TDRD3: variants seen among roughly 807,000 people sequenced by gnomAD.
The protein encoded by TDRD3 is tudor domain containing 3.
A neutral mutation model predicts 86.7 loss-of-function variants in TDRD3; 45 were observed. The observed-to-expected ratio is 0.52, with a 90% confidence interval of 0.41 to 0.67. TDRD3 has a LOEUF of 0.67. TDRD3 is among the 30% of genes least tolerant of loss of function. The pLI is 0.00. For missense variants in TDRD3, 814 were observed against 889.0 expected, an observed-to-expected ratio of 0.92 and a Z score of 1.07; for synonymous variants, 298 against 301.7, an observed-to-expected ratio of 0.99 and a Z score of 0.13.
chr13:60,549,425 A>G (rs890421820), intron 12 of TDRD3, among the ~76,000 whole-genome samples: 6 of 152,112 alleles, frequency 3.9e-5, no homozygotes, highest in Non-Finnish European at 7.4e-5. Context: ...AAAATGCCCT[A>G]TAAAGCTGGT....
intron 1 of TDRD3, among the ~76,000 whole-genome samples, chr13:60,408,581 T>C (rs1023557782): frequency 6.6e-6 from 1 of 152,160 alleles, no homozygotes; most frequent in African/African-American, 2.4e-5. Context: ...TCTTGTTATG[T>C]TTTAGCAAGG....
chr13:60,406,260 G>C (rs1243557868), intron 1 of TDRD3, among the ~76,000 whole-genome samples: 1 of 152,142 alleles, frequency 6.6e-6, no homozygotes, highest in Non-Finnish European at 1.5e-5. Flanking sequence ...CAGCTGTCCG[G>C]TATGGTGGAC....
At chr13:60,535,778 T>C (rs1297585591) in intron 12 of TDRD3, 3 of 152,234 alleles carry the variant, frequency 2.0e-5, no homozygotes, top group Admixed American at 6.5e-5. Flanking sequence ...CCAAATGTTA[T>C]GTCAAAGCTG....
At chr13:60,486,538 T>C (rs979349306) in intron 7 of TDRD3, among the ~76,000 whole-genome samples, 2 of 152,224 alleles carry the variant, frequency 1.3e-5, no homozygotes, top group Non-Finnish European at 2.9e-5. Flanking sequence ...GATATTTTGA[T>C]ACGTGTATAC....
intron 7 of TDRD3, among the ~76,000 whole-genome samples, chr13:60,487,345 G>A (rs914127204): frequency 3.9e-5 from 6 of 152,156 alleles, no homozygotes; most frequent in Middle Eastern, 6.8e-3. Flanking sequence ...GTATGCTGGT[G>A]CATGCCTGTA....
intron 12 of TDRD3, among the ~76,000 whole-genome samples, chr13:60,540,198 A>G (rs1291928429): frequency 6.6e-6 from 1 of 152,184 alleles, no homozygotes; most frequent in Non-Finnish European, 1.5e-5. Context: ...AGAGATCACC[A>G]TGTGAGCAGT....
chr13:60,526,165 A>C (rs1305016315), intron 10 of TDRD3, among the ~76,000 whole-genome samples: 2 of 152,202 alleles, frequency 1.3e-5, no homozygotes, highest in Non-Finnish European at 2.9e-5. Flanking sequence ...GGAATAATTT[A>C]AGAAAAATTC....
chr13:60,460,236 A>C, intron 3 of TDRD3, 144 bp from the exon 4 acceptor site: 1 of 693,140 alleles, frequency 1.4e-6, no homozygotes, highest in Admixed American at 4.3e-5. Flanking sequence ...GATAATATAT[A>C]ATTTCAGTTT....
chr13:60,411,784 C>G (rs1954375035), intron 1 of TDRD3, among the ~76,000 whole-genome samples: 1 of 152,076 alleles, frequency 6.6e-6, no homozygotes, highest in Non-Finnish European at 1.5e-5. Flanking sequence ...AGTGTAGAAT[C>G]TCAAACCTCA....
intron 8 of TDRD3, among the ~76,000 whole-genome samples, chr13:60,499,528 C>CATAA (rs1956788566): frequency 1.3e-5 from 2 of 152,202 alleles, no homozygotes; most frequent in Non-Finnish European, 2.9e-5. Flanking sequence ...TCAGAGAGAA[C>CATAA]TTGATCACTT....
At position 60,565,904 on chromosome 13, in the gene TDRD3, T is replaced by C. The variant is rs1278694303; in HGVS notation, c.2119-1621T>C. Among the ~76,000 whole-genome samples, 36 of 152,228 alleles carry C rather than the reference T, an allele frequency of 2.4e-4. 1 individual carries two copies. ...ATTTTCTTACTTTTAATTGCTTTGC[T>C]AAATTACAGATATAATATCTGATAC... On this transcript the variant is annotated intron_variant, in intron 12 of 13. Transcript: ENST00000377881.
chr13:60,476,418 AGTACTCATT>A (rs1162608023), intron 5 of TDRD3, among the ~76,000 whole-genome samples: 1 of 151,892 alleles, frequency 6.6e-6, no homozygotes, highest in Non-Finnish European at 1.5e-5. Flanking sequence ...TTTTGTACCC[AGTACTCATT>A]GTTATATTTT....
intron 1 of TDRD3, among the ~76,000 whole-genome samples, chr13:60,421,612 C>T (rs2137872933): frequency 6.6e-6 from 1 of 152,276 alleles, no homozygotes; most frequent in African/African-American, 2.4e-5. Flanking sequence ...AATCTTTCCC[C>T]CAAACTATAC....
chr13:60,444,748 G>T lies in TDRD3; in HGVS notation c.192G>T (p.Lys64Asn). 1 of 1,459,842 alleles carries T rather than the reference G, an allele frequency of 6.9e-7. No individual in the cohort carries two copies. Among genetic ancestry groups the T allele is most frequent in the Admixed American group, 2.3e-5 (1 of 43,900 alleles). 90.4% of individuals were successfully genotyped at this position (1,459,842 alleles called of 1,614,324 possible). ...ACATCAATAGTGGAAAGGTAGAAAA[G>T]GTAAAGAAAATCAATAACTTCTTAC... ...PSDINSGKVE[K>N]LEGPCVLQIQ... The change falls in exon 3 of 14, where the codon AAG becomes AAT. Residue 64 changes from lysine (K) to asparagine (N), a missense_variant and splice_region_variant. Lys to Asn is a moderately conservative substitution (Grantham distance 94). Transcript: ENST00000377881.
At chr13:60,440,243 A>T (rs1955227184) in intron 2 of TDRD3, among the ~76,000 whole-genome samples, 1 of 152,192 alleles carries the variant, frequency 6.6e-6, no homozygotes, top group South Asian at 2.1e-4. Context: ...TAAGAAAATT[A>T]AATCTGCTTA....
intron 3 of TDRD3, among the ~76,000 whole-genome samples, chr13:60,459,714 G>A (rs1057232364): frequency 3.9e-5 from 6 of 152,136 alleles, no homozygotes; most frequent in African/African-American, 1.2e-4. Context: ...TCCATTTCCC[G>A]GATTCAAGTG....
chr13:60,433,604 C>T (rs1430269194), intron 1 of TDRD3, among the ~76,000 whole-genome samples: 1 of 152,176 alleles, frequency 6.6e-6, no homozygotes, highest in Non-Finnish European at 1.5e-5. Context: ...TGGAAGTGAA[C>T]AGGAGCAAAT....
chr13:60,483,880 T>G (rs747761648), intron 6 of TDRD3, 34 bp downstream of exon 6: 34 of 1,605,126 alleles, frequency 2.1e-5, no homozygotes, highest in Non-Finnish European at 2.9e-5. Context: ...TGAATTTAAA[T>G]TAGGAAAAAG....
intron 12 of TDRD3, among the ~76,000 whole-genome samples, chr13:60,557,984 A>T (rs1958240661): frequency 6.6e-6 from 1 of 151,790 alleles, no homozygotes. Flanking sequence ...CACCACGCCC[A>T]GCTAATTTTT....
Sources: allele counts gnomAD v4.1 joint callset (sites outside exome capture counted in the v4.1 genomes callset), GRCh38; gene constraint gnomAD v4.1.1; transcripts MANE v1.5; gene names NCBI Gene and HGNC (gene_info 2026-07-23, HGNC 2026-07-21).